Variants in ADHFE1 observed in about 807,000 individuals in gnomAD.
The protein encoded by ADHFE1 is alcohol dehydrogenase iron containing 1.
ADHFE1 carries 37 observed loss-of-function variants against 54.8 expected under a neutral mutation model. The observed-to-expected ratio is 0.68, with a 90% CI of 0.52 to 0.89. The LOEUF (loss-of-function observed/expected upper bound fraction) is 0.89, where lower values mean the gene tolerates loss of function less well. Among genes scored for constraint, ADHFE1 ranks in the 40% least tolerant of loss-of-function variants. The pLI is 0.00. For synonymous variants in ADHFE1, 203 were observed against 229.3 expected, an observed-to-expected ratio of 0.89 and a Z score of 1.04; for missense variants, 601 against 591.2, an observed-to-expected ratio of 1.02 and a Z score of -0.17.
intron 13 of ADHFE1, among the ~76,000 whole-genome samples, chr8:66,461,411 G>A (rs550791560): frequency 1.3e-5 from 2 of 152,076 alleles, no homozygotes; most frequent in Admixed American, 1.3e-4. Context: ...ACAAGTGCTG[G>A]TGCTTTTCCC....
At chr8:66,464,754 T>C (rs1354951046) in intron 13 of ADHFE1, among the ~76,000 whole-genome samples, 3 of 152,214 alleles carry the variant, frequency 2.0e-5, no homozygotes, top group Non-Finnish European at 2.9e-5. Flanking sequence ...AAGTGTACAA[T>C]GCCATGCCAT....
Position 66,447,284 on chromosome 8 carries a change from GGGA to G in ADHFE1, c.573_575del (p.Ser192del), listed in dbSNP as rs1432502083. The G allele has an allele frequency of 1.9e-6, 3 of 1,612,966 alleles. No homozygotes were observed. The highest frequency in any genetic ancestry group is 2.5e-6 in the Non-Finnish European group (3 of 1,179,434). ...TCAAGTGCCAACTACCTCAGGAACC[GGGA>G]GTGAAACTACTGGGGTTGCCATTTT... On this transcript the variant is annotated inframe_deletion, in exon 7 of 14. Coordinates refer to ENST00000396623, the MANE Select transcript of ADHFE1 (RefSeq NM_144650.3).
intron 12 of ADHFE1, chr8:66,459,904 G>A (rs1186780918): frequency 6.3e-6 from 1 of 157,606 alleles, no homozygotes; most frequent in African/African-American, 2.4e-5. Context: ...TTTCTAAGAT[G>A]TTGCTGTGGG....
intron 9 of ADHFE1, among the ~76,000 whole-genome samples, chr8:66,452,832 T>C (rs1197180285): frequency 6.6e-6 from 1 of 152,198 alleles, no homozygotes; most frequent in East Asian, 1.9e-4. Context: ...AGCAAAGATA[T>C]ACTTAGGATG....
rs533550911 is a variant in ADHFE1 at position 66,436,782 on chromosome 8, C to T, written c.60-3380C>T. On this transcript the variant is annotated intron_variant, in intron 1 of 13. Coordinates refer to ENST00000396623, the MANE Select transcript of ADHFE1 (RefSeq NM_144650.3). ...AGAAAAGAAAAAGTTCCAGGACTGACCCCTGAGCCGTCCAGGGTCAGGAGT... is the reference window on the plus strand; with the variant it reads ...AGAAAAGAAAAAGTTCCAGGACTGATCCCTGAGCCGTCCAGGGTCAGGAGT... 2.7e-4 allele frequency among the ~76,000 whole-genome samples: 41 copies of T among 152,298 alleles called. 1 individual carries two copies. The South Asian group carries it at 7.7e-3, about 29-fold the overall frequency.
chr8:66,456,519 T>C (rs1254425284), intron 10 of ADHFE1, among the ~76,000 whole-genome samples: 4 of 151,910 alleles, frequency 2.6e-5, no homozygotes, highest in Non-Finnish European at 5.9e-5. Context: ...ACCGAGTCTT[T>C]GAGATCGTAA....
At chr8:66,458,661 G>A (rs914539891) in intron 12 of ADHFE1, among the ~76,000 whole-genome samples, 2 of 152,058 alleles carry the variant, frequency 1.3e-5, no homozygotes, top group Non-Finnish European at 2.9e-5. Flanking sequence ...ACAAATTCCA[G>A]GCTGGAAGAA....
intron 12 of ADHFE1, chr8:66,460,025 G>A (rs959154481): frequency 4.6e-5 from 17 of 368,044 alleles, no homozygotes; most frequent in African/African-American, 2.1e-4. Context: ...AGCACCAGCC[G>A]ACTTTCTTGC....
rs138063909 is a variant in ADHFE1, at chr8:66,466,712, G to A, written c.1321-1557G>A. On this transcript the variant is annotated intron_variant, in intron 13 of 13. Transcript: ENST00000396623. Reference sequence around the variant, plus strand: ...TCATTTCAGATAATGATTAGTGTATGAAGGAAAACCTGCATAAGGAGATAG... The same window carrying A: ...TCATTTCAGATAATGATTAGTGTATAAAGGAAAACCTGCATAAGGAGATAG... 2.0e-4 allele frequency among the ~76,000 whole-genome samples: 30 copies of A among 152,338 alleles called. No individual in the cohort carries two copies. The East Asian group carries it at 5.0e-3, about 25-fold the overall frequency.
At chr8:66,448,809 T>C (rs1205178960) in intron 7 of ADHFE1, 56 bp from the exon 8 acceptor site, 2 of 1,443,658 alleles carry the variant, frequency 1.4e-6, no homozygotes, top group Admixed American at 3.9e-5. Context: ...AAGTCATTTT[T>C]CTTCTTAAAA....
chr8:66,468,201 A>G, intron 13 of ADHFE1, 68 bp from the exon 14 acceptor site: 1 of 1,227,890 alleles, frequency 8.1e-7, no homozygotes, highest in South Asian at 1.3e-5. Context: ...GTTAATTTCC[A>G]TAACTTTGTA....
intron 9 of ADHFE1, among the ~76,000 whole-genome samples, chr8:66,453,495 T>C (rs1024472358): frequency 3.3e-5 from 5 of 152,160 alleles, no homozygotes; most frequent in African/African-American, 9.7e-5. Flanking sequence ...CTTTTGAGAA[T>C]TGACTTTTCC....
rs1408551558 is a variant in ADHFE1 at position 66,451,945 on chromosome 8, C to A, written c.735-8C>A. 1.2e-6 allele frequency: 2 copies of A among 1,612,976 alleles called. No homozygotes were observed. The highest frequency in any genetic ancestry group is 2.2e-5 in the South Asian group (2 of 90,962). On this transcript the variant is annotated splice_region_variant and splice_polypyrimidine_tract_variant and intron_variant, in intron 8 of 13. Coordinates refer to ENST00000396623, the MANE Select transcript of ADHFE1 (RefSeq NM_144650.3). ...TTCCATCTGTGTACTTTCAATATTT[C>A]TTTTTAGCCATGCCCTGGAGTCATA...
chr8:66,461,426 C>T (rs1021919916), intron 13 of ADHFE1, among the ~76,000 whole-genome samples: 1 of 152,060 alleles, frequency 6.6e-6, no homozygotes, highest in Non-Finnish European at 1.5e-5. Flanking sequence ...TTTCCCTCAC[C>T]CCACTCCAAG....
At position 66,452,085 on chromosome 8, in the gene ADHFE1, C is replaced by T. The variant is rs140658279; in HGVS notation, c.867C>T (p.Ile289=). The T allele has an allele frequency of 4.8e-5, 77 of 1,613,920 alleles. No homozygotes were observed. Among genetic ancestry groups the T allele is most frequent in the Admixed American group, 1.2e-4 (7 of 60,004 alleles). ...TTTGGGCTATCCACGCGCTGCGGAT[C>T]GTGGCTAAGTATCTGAAGAGGTATG... ...SDIWAIHALR[I]VAKYLKRAVR... is the part of the protein sequence containing the mutation. Residue 289 remains isoleucine (I), a synonymous_variant, in exon 9 of 14, where the codon ATC becomes ATT. Transcript: ENST00000396623.
rs551321022 is a variant in ADHFE1 at position 66,432,523 on chromosome 8, G to C, written c.7G>C (p.Ala3Pro). 7.5e-5 allele frequency: 102 copies of C among 1,368,638 alleles called. No individual in the cohort carries two copies. The South Asian group carries it at 1.6e-3, about 22-fold the overall frequency. 84.8% of individuals were successfully genotyped at this position (1,368,638 alleles called of 1,614,324 possible). MA[A>P]AARARVAYLL... ...GAAGAGGACTCCAAGCGCCATGGCC[G>C]CTGCCGCCCGAGCCCGGGTCGCGTA... Residue 3 changes from alanine to proline, a missense_variant, in exon 1 of 14, where the codon GCT becomes CCT. Ala to Pro is a conservative substitution (Grantham distance 27). Coordinates refer to ENST00000396623, the MANE Select transcript of ADHFE1 (RefSeq NM_144650.3).
intron 1 of ADHFE1, chr8:66,432,808 A>G (rs1805271540): frequency 8.1e-7 from 1 of 1,227,202 alleles, no homozygotes; most frequent in Admixed American, 4.2e-5. Flanking sequence ...GTCTACCGTT[A>G]AAGAAACTGA....
At chr8:66,464,450 A>G (rs1434557663) in intron 13 of ADHFE1, among the ~76,000 whole-genome samples, 1 of 152,252 alleles carries the variant, frequency 6.6e-6, no homozygotes, top group Non-Finnish European at 1.5e-5. Context: ...CCCATTATGA[A>G]CAACGTAACT....
intron 9 of ADHFE1, chr8:66,453,743 A>T: frequency 7.2e-7 from 1 of 1,382,818 alleles, no homozygotes; most frequent in East Asian, 4.3e-5. Flanking sequence ...GAAGAAGAAG[A>T]ATGAGTCTCA....
Sources: allele counts gnomAD v4.1 joint callset (sites outside exome capture counted in the v4.1 genomes callset), GRCh38; gene constraint gnomAD v4.1.1; transcripts MANE v1.5; gene names NCBI Gene and HGNC (gene_info 2026-07-23, HGNC 2026-07-21).